The following CAPZB variants were observed in gnomAD, a reference collection of about 807,000 sequenced individuals.
The protein encoded by CAPZB is capping actin protein of muscle Z-line subunit beta, also known as F-actin-capping protein subunit beta.
A neutral mutation model predicts 38.1 loss-of-function variants in CAPZB; 2 were observed. The ratio of observed to expected loss-of-function variants is 0.05; its 90% CI spans 0.02 to 0.17. CAPZB has a LOEUF of 0.17. CAPZB is among the 10% of genes least tolerant of loss of function. The pLI, the probability that CAPZB is intolerant of heterozygous loss-of-function variation, is 1.00. For missense variants in CAPZB, 161 were observed against 334.2 expected (o/e 0.48, Z 4.04); for synonymous variants, 107 against 127.4 (o/e 0.84, Z 1.08).
chr1:19,415,398 A>C (rs1319523596), intron 2 of CAPZB, among the ~76,000 whole-genome samples: 2 of 152,242 alleles, frequency 1.3e-5, no homozygotes, highest in African/African-American at 4.8e-5. Flanking sequence ...GAATTTTCTG[A>C]AACTACCGCT....
intron 8 of CAPZB, among the ~76,000 whole-genome samples, chr1:19,343,676 G>C (rs2093945040): frequency 6.6e-6 from 1 of 152,242 alleles, no homozygotes; most frequent in South Asian, 2.1e-4. Flanking sequence ...CTGGGCTCTG[G>C]CCTCATGTCA....
chr1:19,462,472 T>C lies in CAPZB; in HGVS notation c.3+22964A>G, dbSNP rs1241071872. On this transcript the variant is annotated intron_variant, in intron 1 of 8. Transcript: ENST00000264202. ...GACTCCGTCTCAAAAAAAAAAAAAA[T>C]TAAAATTAAAAAAAGTCATCTGGTC... Among the ~76,000 whole-genome samples the C allele has an allele frequency of 5.3e-5, 8 of 149,942 alleles. No individual in the cohort carries two copies. The South Asian group carries it at 1.7e-3, about 32-fold the overall frequency.
At chr1:19,418,136 CAAAAAAAAAAAAAAAAA>C (rs59390448) in intron 2 of CAPZB, among the ~76,000 whole-genome samples, 1 of 35,328 alleles carries the variant, frequency 2.8e-5, no homozygotes, top group African/African-American at 1.0e-4. Context: ...ACTCTGTCAC[CAAAAAAAAAAAAAAAAA>C]AAAAAAAAAA....
At position 19,448,883 on chromosome 1, in the gene CAPZB, G is replaced by C. The variant is rs1477715426; in HGVS notation, c.4-29133C>G. 15 of 1,612,822 alleles carry C rather than the reference G, an allele frequency of 9.3e-6. No individual in the cohort carries two copies. The South Asian group carries it at 1.6e-4, about 18-fold the overall frequency. Reference sequence around the variant, plus strand: ...TCTGGGCTGGCCAAGGCCTGGGCGAGAGAACCCTGTATCCTGGAACTGCCT... The same window carrying C: ...TCTGGGCTGGCCAAGGCCTGGGCGACAGAACCCTGTATCCTGGAACTGCCT... On this transcript the variant is annotated intron_variant, in intron 1 of 8. Transcript: ENST00000264202.
chr1:19,377,029 C>T (rs1385722719), intron 4 of CAPZB, among the ~76,000 whole-genome samples: 1 of 152,216 alleles, frequency 6.6e-6, no homozygotes, highest in Non-Finnish European at 1.5e-5. Context: ...TGCATGGCCA[C>T]TGGTAACTGT....
At chr1:19,405,929 T>C in intron 2 of CAPZB, among the ~76,000 whole-genome samples, 1 of 152,210 alleles carries the variant, frequency 6.6e-6, no homozygotes, top group East Asian at 1.9e-4. Flanking sequence ...CCCCCTCTCC[T>C]GTACACAAAG....
At chr1:19,403,351 G>C (rs751522245) in intron 2 of CAPZB, among the ~76,000 whole-genome samples, 2 of 152,224 alleles carry the variant, frequency 1.3e-5, no homozygotes, top group Non-Finnish European at 2.9e-5. Flanking sequence ...GGGCATGCTG[G>C]GGGGCAGGGT....
At chr1:19,484,436 C>A in intron 1 of CAPZB, 1 of 1,506,190 alleles carries the variant, frequency 6.6e-7, no homozygotes, top group Non-Finnish European at 8.9e-7. Context: ...GCCTGCCCTG[C>A]AGAATGCTTC....
chr1:19,394,279 C>T lies in CAPZB; in HGVS notation c.94-8653G>A, dbSNP rs112049389. Among the ~76,000 whole-genome samples, 444 of 152,344 alleles carry T rather than the reference C, an allele frequency of 2.9e-3. 4 individuals are homozygous for T. Among genetic ancestry groups the T allele is most frequent in the African/African-American group, 0.01 (427 of 41,578 alleles). ...GGGATTACAGGCATGAGCCACCGCG[C>T]CTGGCCAAGGGCCATATTCTTTAAG... is the stretch of plus-strand genomic sequence containing the variant. On this transcript the variant is annotated intron_variant, in intron 2 of 8. Coordinates refer to ENST00000264202, the MANE Select transcript of CAPZB (RefSeq NM_004930.5).
intron 1 of CAPZB, among the ~76,000 whole-genome samples, chr1:19,462,443 G>C (rs986501326): frequency 1.3e-5 from 2 of 150,376 alleles, no homozygotes; most frequent in Admixed American, 1.3e-4. Flanking sequence ...GGGCGACAGA[G>C]TGAGACTCCG....
At chr1:19,345,767 G>A (rs1442453395) in intron 6 of CAPZB, among the ~76,000 whole-genome samples, 2 of 152,252 alleles carry the variant, frequency 1.3e-5, no homozygotes, top group African/African-American at 2.4e-5. Context: ...AACCTCTGAC[G>A]GAGACTTCAG....
At chr1:19,464,802 T>C (rs537018380) in intron 1 of CAPZB, among the ~76,000 whole-genome samples, 1 of 152,146 alleles carries the variant, frequency 6.6e-6, no homozygotes, top group Non-Finnish European at 1.5e-5. Flanking sequence ...CTCCATACTA[T>C]CTGCTTCCAT....
chr1:19,456,679 C>T (rs942420303), intron 1 of CAPZB, among the ~76,000 whole-genome samples: 2 of 152,164 alleles, frequency 1.3e-5, no homozygotes, highest in African/African-American at 2.4e-5. Flanking sequence ...GTGACATCCT[C>T]GAACAGACTA....
intron 2 of CAPZB, among the ~76,000 whole-genome samples, chr1:19,390,638 C>T (rs552848014): frequency 6.6e-6 from 1 of 152,136 alleles, no homozygotes; most frequent in East Asian, 1.9e-4. Context: ...CCTTCACCAC[C>T]GATACTTTTG....
chr1:19,393,331 C>G (rs1010387068), intron 2 of CAPZB, among the ~76,000 whole-genome samples: 1 of 152,184 alleles, frequency 6.6e-6, no homozygotes, highest in East Asian at 1.9e-4. Context: ...GCAAGTGGTA[C>G]CCCTGAGTAA....
At chr1:19,370,496 G>A (rs980612627) in intron 4 of CAPZB, among the ~76,000 whole-genome samples, 12 of 152,326 alleles carry the variant, frequency 7.9e-5, no homozygotes, top group Non-Finnish European at 1.2e-4. Flanking sequence ...GGGCTTGACG[G>A]CATGTGTGAA....
chr1:19,394,640 C>T (rs2094256102), intron 2 of CAPZB, among the ~76,000 whole-genome samples: 1 of 152,112 alleles, frequency 6.6e-6, no homozygotes, highest in Non-Finnish European at 1.5e-5. Context: ...TGCTTGAATC[C>T]AGGAGGCGGA....
intron 1 of CAPZB, chr1:19,484,828 C>G (rs552295848): frequency 2.9e-6 from 1 of 347,956 alleles, no homozygotes; most frequent in Non-Finnish European, 4.0e-6. Flanking sequence ...GGGCCATGGG[C>G]GGAGAAGAGG....
At chr1:19,484,260 C>T in intron 1 of CAPZB, 1 of 1,612,280 alleles carries the variant, frequency 6.2e-7, no homozygotes, top group Non-Finnish European at 8.5e-7. Flanking sequence ...GAAGGGGAGG[C>T]TGCGCCTGCT....
Sources: allele counts gnomAD v4.1 joint callset (sites outside exome capture counted in the v4.1 genomes callset), GRCh38; gene constraint gnomAD v4.1.1; transcripts MANE v1.5; gene names NCBI Gene and HGNC (gene_info 2026-07-23, HGNC 2026-07-21).